The following MED22 variants were observed in gnomAD, a reference collection of about 807,000 sequenced individuals.
MED22 encodes the protein mediator complex subunit 22, also known as mediator of RNA polymerase II transcription subunit 22.
A neutral mutation model predicts 22.7 loss-of-function variants in MED22; 22 were observed. The observed-to-expected ratio is 0.97, with a 90% CI of 0.69 to 1.38. The LOEUF (loss-of-function observed/expected upper bound fraction) is 1.38, where lower values mean the gene tolerates loss of function less well. MED22 is among the 40% of genes most tolerant of loss of function. MED22 has a pLI of 0.00. For synonymous variants in MED22, 134 were observed against 119.4 expected (o/e 1.12, Z -0.80); for missense variants, 247 against 263.0 (o/e 0.94, Z 0.42).
In MED22 at chr9:133,343,308, T is replaced by C. The variant is rs2129956328; in HGVS notation, c.413+817A>G. ...GACATGGACTCTGCATCTGCTGGACTGAATCTTGATTTTCTAAGCTAATGG... is the reference window on the plus strand; with the variant it reads ...GACATGGACTCTGCATCTGCTGGACCGAATCTTGATTTTCTAAGCTAATGG... On this transcript the variant is annotated intron_variant, in intron 4 of 4. Transcript: ENST00000343730. 4.3e-4 allele frequency: 524 copies of C among 1,228,560 alleles called. 2 individuals carry two copies. Among genetic ancestry groups the C allele is most frequent in the Non-Finnish European group, 5.2e-4 (510 of 986,694 alleles). 76.1% of individuals were successfully genotyped at this position (1,228,560 alleles called of 1,614,324 possible). A position where few individuals can be genotyped will look rare whatever the true frequency, so the allele number is the denominator to read the frequency against.
At chr9:133,344,393 A>G (rs2129961814) in intron 3 of MED22, 60 bp from the exon 4 acceptor site, 736,485 of 1,572,312 alleles carry the variant, frequency 0.47, 174,647 homozygotes, top group South Asian at 0.49. Flanking sequence ...CTTGCCTACA[A>G]GTAGCTGATG....
At position 133,341,684 on chromosome 9, in the gene MED22, A is replaced by G; in HGVS notation, c.424T>C (p.Cys142Arg). The G allele has an allele frequency of 1.2e-6, 2 of 1,608,104 alleles. No homozygotes were observed. The highest frequency in any genetic ancestry group is 2.3e-5 in the East Asian group (1 of 44,214). The change falls in exon 5 of 5, where the codon TGC (cysteine) becomes CGC (arginine). Residue 142 changes from cysteine (C) to arginine (R), a missense_variant. Transcript: ENST00000343730. ...CACAGAGGCAGGTCATTAGCTTCGCAAAGGCTTGAGCTTTTCCACCACCAG... is the reference window on the plus strand; with the variant it reads ...CACAGAGGCAGGTCATTAGCTTCGCGAAGGCTTGAGCTTTTCCACCACCAG... Reference protein sequence around the residue: ...EEYYSSSSSLCEANDLPLCEA... With the variant: ...EEYYSSSSSLREANDLPLCEA...
At position 133,341,343 on chromosome 9, in the gene MED22, C is replaced by T. The variant is rs2129947912; in HGVS notation, c.*162G>A. 0.026 allele frequency: 17,147 copies of T among 670,610 alleles called. 1,938 individuals are homozygous for T. The African/African-American group carries it at 0.27, about 10-fold the overall frequency. 41.5% of individuals were successfully genotyped at this position (670,610 alleles called of 1,614,324 possible). A position where few individuals can be genotyped will look rare whatever the true frequency, so the allele number is the denominator to read the frequency against. On this transcript the variant is annotated 3_prime_UTR_variant, in exon 5 of 5. Coordinates refer to ENST00000343730, the MANE Select transcript of MED22 (RefSeq NM_133640.5). ...AACAACTGTTTCCCTACTGTCCTGGCGGGACCCACCCTGGGCTAACGGGCT... is the reference window on the plus strand; with the variant it reads ...AACAACTGTTTCCCTACTGTCCTGGTGGGACCCACCCTGGGCTAACGGGCT...
intron 2 of MED22, 89 bp downstream of exon 2, chr9:133,346,451 C>G: frequency 2.6e-6 from 4 of 1,537,102 alleles, no homozygotes; most frequent in Non-Finnish European, 3.5e-6. Flanking sequence ...GCCTAGAACA[C>G]TATTCACTCG....
At chr9:133,343,317 A>AT (rs1836069386) in intron 4 of MED22, 1 of 1,229,386 alleles carries the variant, frequency 8.1e-7, no homozygotes, top group African/African-American at 1.6e-5. Flanking sequence ...CTGAATCTTG[A>AT]TTTTCTAAGC....
chr9:133,344,171 T>G lies in MED22; in HGVS notation c.367A>C (p.Ile123Leu), dbSNP rs1836106742. Residue 123 changes from isoleucine to leucine, a missense_variant, in exon 4 of 5, where the codon ATC (isoleucine) becomes CTC (leucine). Ile to Leu is a conservative substitution (Grantham distance 5, BLOSUM62 2). Transcript: ENST00000343730. ...DRKLITLRDEISIDLYELEEE... is the reference protein window; with the variant it reads ...DRKLITLRDELSIDLYELEEE... ...TCCAGCTCGTAGAGGTCAATGGAGATCTCGTCTCGCAGCGTGATGAGCTTC... is the reference window on the plus strand; with the variant it reads ...TCCAGCTCGTAGAGGTCAATGGAGAGCTCGTCTCGCAGCGTGATGAGCTTC... The G allele has an allele frequency of 6.2e-7, 1 of 1,614,144 alleles. No homozygotes were observed. Among genetic ancestry groups the G allele is most frequent in the Non-Finnish European group, 8.5e-7 (1 of 1,180,010 alleles).
chr9:133,341,585 C>A lies in MED22; in HGVS notation c.523G>T (p.Glu175Ter). 1 of 1,582,240 alleles carries A rather than the reference C, an allele frequency of 6.3e-7. No homozygotes were observed. Among genetic ancestry groups the A allele is most frequent in the Non-Finnish European group, 8.6e-7 (1 of 1,168,056 alleles). Reference protein sequence around the residue: ...GLSAPLLASPEPSAGPLQVAA... With the variant: ...GLSAPLLASP The stretch of plus-strand genomic sequence containing the variant: ...ACCTGTAGGGGGCCAGCACTGGGCT[C>A]CGGGGACGCCAGCAGAGGGGCCGAG... The change falls in exon 5 of 5, where the codon GAG (glutamate) becomes TAG (stop). Residue 175 changes from glutamate (E) to a stop codon, truncating the protein, a stop_gained. Coordinates refer to ENST00000343730, the MANE Select transcript of MED22 (RefSeq NM_133640.5). LOFTEE classifies it low-confidence loss of function (END_TRUNC).
At chr9:133,343,556 A>G in intron 4 of MED22, 3 of 1,241,532 alleles carry the variant, frequency 2.4e-6, no homozygotes, top group African/African-American at 1.5e-5. Flanking sequence ...GATAAGGCTG[A>G]GTGGGTCACG....
Position 133,346,711 on chromosome 9 carries a change from G to A in MED22, c.-38-11C>T, listed in dbSNP as rs2129969881. The A allele has an allele frequency of 5.0e-6, 8 of 1,597,484 alleles. No homozygotes were observed. The highest frequency in any genetic ancestry group is 6.8e-6 in the Non-Finnish European group (8 of 1,175,254). On this transcript the variant is annotated splice_polypyrimidine_tract_variant and intron_variant, in intron 1 of 4. Transcript: ENST00000343730. ...GGGGAGACCTGGGACCTAGAGTGCA[G>A]CACAGACCTCTGAGTGCAGGCAGAG...
chr9:133,341,858 C>T, intron 4 of MED22, 164 bp from the exon 5 acceptor site: 1 of 1,396,106 alleles, frequency 7.2e-7, no homozygotes, highest in Non-Finnish European at 9.2e-7. Flanking sequence ...AGTTGGCAGG[C>T]CTGGCAAGGA....
At chr9:133,342,377 G>T (rs1045277710) in intron 4 of MED22, 1 of 986,010 alleles carries the variant, frequency 1.0e-6, no homozygotes, top group East Asian at 1.1e-4. Context: ...TGGCTTTCCC[G>T]CGGCCTGCCT....
At chr9:133,342,692 C>G (rs185829132) in intron 4 of MED22, 1 of 985,914 alleles carries the variant, frequency 1.0e-6, no homozygotes, top group South Asian at 4.7e-5. Context: ...GTGTGAGGCC[C>G]CCCAGGGGGC....
intron 4 of MED22, chr9:133,342,756 C>G: frequency 1.4e-5 from 14 of 985,904 alleles, no homozygotes; most frequent in Non-Finnish European, 1.7e-5. Flanking sequence ...CTGGAAGCCC[C>G]GCTGGGTGAA....
chr9:133,342,351 C>T, intron 4 of MED22: 1 of 986,134 alleles, frequency 1.0e-6, no homozygotes, highest in Non-Finnish European at 1.2e-6. Flanking sequence ...TCTTTCTAAC[C>T]TGCAGGCAGG....
intron 1 of MED22, chr9:133,347,122 T>C (rs1836208241): frequency 6.1e-6 from 1 of 163,228 alleles, no homozygotes; most frequent in Admixed American, 6.2e-5. Flanking sequence ...ACATCCACGC[T>C]TTCCTTCCAC....
chr9:133,339,181 C>G lies in MED22; in HGVS notation c.*2324G>C. 1.5e-6 allele frequency: 1 copy of G among 688,402 alleles called. No individual in the cohort carries two copies. Among genetic ancestry groups the G allele is most frequent in the Non-Finnish European group, 2.7e-6 (1 of 369,812 alleles). 42.6% of individuals were successfully genotyped at this position (688,402 alleles called of 1,614,324 possible). On this transcript the variant is annotated 3_prime_UTR_variant, in exon 5 of 5. Coordinates refer to ENST00000343730, the MANE Select transcript of MED22 (RefSeq NM_133640.5). ...GTCACCATGGCTAGACTGGGAGAGT[C>G]TACAGTGTTCCCCAGCATGCTGTTG...
At chr9:133,346,907 T>C (rs1836202049) in intron 1 of MED22, among the ~76,000 whole-genome samples, 1 of 152,216 alleles carries the variant, frequency 6.6e-6, no homozygotes, top group African/African-American at 2.4e-5. Flanking sequence ...AAGCTCATCC[T>C]GGAACTCCTG....
At chr9:133,343,897 TGTGGTTTTC>T in intron 4 of MED22, 1 of 1,427,930 alleles carries the variant, frequency 7.0e-7, no homozygotes, top group Non-Finnish European at 9.1e-7. Context: ...GCGTGAGTCC[TGTGGTTTTC>T]ATCACATTGC....
intron 4 of MED22, chr9:133,343,209 G>A: frequency 8.8e-7 from 1 of 1,130,718 alleles, no homozygotes; most frequent in East Asian, 4.6e-5. Context: ...TCCCAGCATG[G>A]CCAATGGGCA....
Sources: gnomAD v4.1 joint callset for allele counts (sites outside exome capture counted in the v4.1 genomes callset) on GRCh38, gnomAD v4.1.1 for gene constraint, MANE v1.5 for transcripts, NCBI Gene and HGNC (gene_info 2026-07-23, HGNC 2026-07-21) for gene names.